RORA: variants seen among roughly 807,000 people sequenced by gnomAD.
The protein encoded by RORA is RAR related orphan receptor A, also known as nuclear receptor ROR-alpha.
In RORA, 7 loss-of-function variants were observed where a neutral mutation model predicts 69.5. The ratio of observed to expected loss-of-function variants is 0.10; its 90% CI spans 0.06 to 0.19. The LOEUF is 0.19. Ranked by LOEUF, RORA falls within the 10% of genes least tolerant of loss-of-function variation. The pLI, the probability that RORA is intolerant of heterozygous loss-of-function variation, is 1.00. For missense variants in RORA, 457 were observed against 663.0 expected, an observed-to-expected ratio of 0.69 and a Z score of 3.41; for synonymous variants, 261 against 240.8, an observed-to-expected ratio of 1.08 and a Z score of -0.78.
At chr15:60,951,710 G>A (rs886519777) in intron 1 of RORA, among the ~76,000 whole-genome samples, 14 of 152,230 alleles carry the variant, frequency 9.2e-5, no homozygotes, top group African/African-American at 2.2e-4. Flanking sequence ...TAAATTCCTC[G>A]ACACATAAAC....
At chr15:60,841,939 T>TA (rs1161607442) in intron 1 of RORA, among the ~76,000 whole-genome samples, 1 of 152,126 alleles carries the variant, frequency 6.6e-6, no homozygotes, top group African/African-American at 2.4e-5. Context: ...GGTCCAGTGA[T>TA]CCCAGATGGT....
chr15:61,143,883 C>T (rs1420618972), intron 1 of RORA, among the ~76,000 whole-genome samples: 1 of 152,022 alleles, frequency 6.6e-6, no homozygotes, highest in East Asian at 1.9e-4. Flanking sequence ...GGAACAAAAA[C>T]CAAATGCTAT....
intron 2 of RORA, among the ~76,000 whole-genome samples, chr15:60,555,304 T>A (rs2067325890): frequency 6.6e-6 from 1 of 152,146 alleles, no homozygotes; most frequent in Non-Finnish European, 1.5e-5. Flanking sequence ...GTTAAAAGTG[T>A]CATAAAATCA....
chr15:60,890,799 C>A (rs897360400), intron 1 of RORA, among the ~76,000 whole-genome samples: 1 of 152,212 alleles, frequency 6.6e-6, no homozygotes, highest in African/African-American at 2.4e-5. Flanking sequence ...ACTTTAAGTT[C>A]AAGGCAGAAC....
intron 1 of RORA, among the ~76,000 whole-genome samples, chr15:61,066,418 C>CTTTTTTTTTTTTTTTTTTTTTTTTT (rs1168663714): frequency 2.5e-5 from 2 of 80,962 alleles, no homozygotes; most frequent in Non-Finnish European, 2.3e-5. Flanking sequence ...GGGCATATTC[C>CTTTTTTTTTTTTTTTTTTTTTTTTT]TTTTTTTTTT....
At chr15:60,681,684 T>C (rs1254221219) in intron 1 of RORA, 1 of 152,232 alleles carries the variant, frequency 6.6e-6, no homozygotes, top group African/African-American at 2.4e-5. Context: ...CACCCTTAAA[T>C]GAGGGATGGG....
intron 8 of RORA, among the ~76,000 whole-genome samples, chr15:60,502,270 G>A (rs1215343568): frequency 7.2e-5 from 11 of 152,130 alleles, no homozygotes; most frequent in East Asian, 1.9e-4. Context: ...ATGAGTCACC[G>A]CACCTGGCCC....
chr15:61,055,691 C>T (rs905846880), intron 1 of RORA, among the ~76,000 whole-genome samples: 5 of 152,204 alleles, frequency 3.3e-5, no homozygotes, highest in Non-Finnish European at 5.9e-5. Flanking sequence ...TCATCCTGAA[C>T]TTTTATCACA....
At chr15:60,952,251 TA>T (rs1277671956) in intron 1 of RORA, among the ~76,000 whole-genome samples, 1 of 152,142 alleles carries the variant, frequency 6.6e-6, no homozygotes, top group Non-Finnish European at 1.5e-5. Context: ...CGCTTCAGGC[TA>T]AAAACTCTCA....
intron 1 of RORA, among the ~76,000 whole-genome samples, chr15:60,876,240 C>A (rs2073612416): frequency 6.6e-6 from 1 of 151,216 alleles, no homozygotes; most frequent in African/African-American, 2.4e-5. Context: ...GTTGGTCTCC[C>A]CCAACCAAAA....
chr15:60,581,287 C>T (rs1260131235), intron 2 of RORA, among the ~76,000 whole-genome samples: 1 of 152,190 alleles, frequency 6.6e-6, no homozygotes, highest in East Asian at 1.9e-4. Context: ...CCTGAGACAT[C>T]TTAACTCATC....
intron 1 of RORA, among the ~76,000 whole-genome samples, chr15:60,886,120 T>C (rs1014561860): frequency 3.3e-5 from 5 of 152,156 alleles, no homozygotes; most frequent in South Asian, 4.1e-4. Context: ...ATCCAAAAAG[T>C]CCTTCAGTAG....
At chr15:61,188,188 G>C (rs1206153505) in intron 1 of RORA, among the ~76,000 whole-genome samples, 6 of 152,130 alleles carry the variant, frequency 3.9e-5, no homozygotes, top group Admixed American at 2.6e-4. Context: ...TCCTCTAGAT[G>C]GGAGTGGGGA....
intron 1 of RORA, among the ~76,000 whole-genome samples, chr15:60,899,887 G>T (rs766215179): frequency 2.6e-5 from 4 of 152,204 alleles, no homozygotes; most frequent in Non-Finnish European, 5.9e-5. Flanking sequence ...CCCTAATACA[G>T]CCAATATAGC....
chr15:60,701,613 T>C, intron 1 of RORA, among the ~76,000 whole-genome samples: 1 of 152,200 alleles, frequency 6.6e-6, no homozygotes, highest in Non-Finnish European at 1.5e-5. Context: ...CATGCAGAAC[T>C]CTGACAATGC....
At chr15:61,151,582 C>G (rs1321553743) in intron 1 of RORA, among the ~76,000 whole-genome samples, 1 of 152,170 alleles carries the variant, frequency 6.6e-6, no homozygotes, top group Non-Finnish European at 1.5e-5. Context: ...TGATATCAAT[C>G]TAAATATCCT....
intron 1 of RORA, among the ~76,000 whole-genome samples, chr15:61,190,541 G>A (rs561725014): frequency 2.3e-4 from 35 of 152,246 alleles, no homozygotes; most frequent in Admixed American, 6.5e-4. Flanking sequence ...TGGGCAAATC[G>A]CTTGAGCCCA....
chr15:60,666,267 A>G (rs1297794248), intron 2 of RORA, among the ~76,000 whole-genome samples: 1 of 151,288 alleles, frequency 6.6e-6, no homozygotes, highest in East Asian at 1.9e-4. Context: ...TCCTGGGCTC[A>G]AGCAATCCTC....
chr15:61,075,827 G>C (rs372832092), intron 1 of RORA, among the ~76,000 whole-genome samples: 1 of 152,170 alleles, frequency 6.6e-6, no homozygotes, highest in Non-Finnish European at 1.5e-5. Flanking sequence ...CACACACGCA[G>C]TGGAGAAGCA....
Sources: gnomAD v4.1 joint callset for allele counts (sites outside exome capture counted in the v4.1 genomes callset) on GRCh38, gnomAD v4.1.1 for gene constraint, MANE v1.5 for transcripts, NCBI Gene and HGNC (gene_info 2026-07-23, HGNC 2026-07-21) for gene names.